Variants in CCDC62 observed in about 807,000 individuals in gnomAD.
CCDC62 encodes coiled-coil domain containing 62, also known as coiled-coil domain-containing protein 62.
Under a neutral mutation model 80.8 loss-of-function variants are expected in CCDC62, and 72 were observed. The ratio of observed to expected loss-of-function variants is 0.89; its 90% confidence interval spans 0.74 to 1.08. The LOEUF (loss-of-function observed/expected upper bound fraction) is 1.08. Among genes scored for constraint, CCDC62 ranks in the 50% least tolerant of loss-of-function variants. CCDC62 has a pLI of 0.00. For synonymous variants in CCDC62, 286 were observed against 296.5 expected (o/e 0.96, Z 0.36); for missense variants, 704 against 809.4 (o/e 0.87, Z 1.58).
chr12:122,818,227 C>T (rs4759390), intron 11 of CCDC62, among the ~76,000 whole-genome samples: 121,253 of 151,852 alleles, frequency 0.8, 49,449 homozygotes, highest in Middle Eastern at 0.9. Flanking sequence ...CCGAGGCAGG[C>T]GGATCATGAG....
At chr12:122,811,569 C>G (rs2031887266) in intron 10 of CCDC62, among the ~76,000 whole-genome samples, 1 of 150,392 alleles carries the variant, frequency 6.6e-6, no homozygotes, top group Non-Finnish European at 1.5e-5. Flanking sequence ...CCTGTACTCG[C>G]AGCACTTTTG....
intron 3 of CCDC62, among the ~76,000 whole-genome samples, chr12:122,784,082 C>T (rs780724456): frequency 1.1e-4 from 17 of 152,196 alleles, no homozygotes; most frequent in Non-Finnish European, 2.2e-4. Context: ...CCTGGTCACA[C>T]GAATCTTTTT....
Position 122,801,573 on chromosome 12 carries a change from C to G in CCDC62, c.1427C>G (p.Ser476Ter). Reference protein sequence around the residue: ...VYLGLTNCPSSKHPEKLDVEC... With the variant: ...VYLGLTNCPS ...CTGGGCCTGACCAACTGTCCAAGTTCAAAACATCCAGAAAAGCTGGATGTA... is the reference window on the plus strand; with the variant it reads ...CTGGGCCTGACCAACTGTCCAAGTTGAAAACATCCAGAAAAGCTGGATGTA... The change falls in exon 9 of 13, where the codon TCA (serine) becomes TGA (stop). Residue 476 changes from serine (S) to a stop codon, truncating the protein, a stop_gained. Coordinates refer to ENST00000253079, the MANE Select transcript of CCDC62 (RefSeq NM_201435.5). LOFTEE classifies it high-confidence loss of function. 6.2e-7 allele frequency: 1 copy of G among 1,614,082 alleles called. No individual in the cohort carries two copies.
chr12:122,800,646 C>T (rs1272288770), intron 8 of CCDC62, among the ~76,000 whole-genome samples: 2 of 152,018 alleles, frequency 1.3e-5, no homozygotes, highest in Non-Finnish European at 2.9e-5. Flanking sequence ...GGCTGGGTCT[C>T]GAACTCCTGA....
At chr12:122,821,251 G>A (rs549195356) in intron 11 of CCDC62, among the ~76,000 whole-genome samples, 33 of 152,144 alleles carry the variant, frequency 2.2e-4, no homozygotes, top group Non-Finnish European at 3.1e-4. Context: ...GACTGACAGC[G>A]AGCCAGTTAT....
chr12:122,800,208 GT>G (rs1283491607), intron 8 of CCDC62, among the ~76,000 whole-genome samples: 2 of 127,210 alleles, frequency 1.6e-5, no homozygotes, highest in Non-Finnish European at 3.2e-5. Flanking sequence ...GGGTTTCGTC[GT>G]GTTGCGAAGG....
chr12:122,816,920 C>T (rs2032190388), intron 11 of CCDC62, among the ~76,000 whole-genome samples: 1 of 152,138 alleles, frequency 6.6e-6, no homozygotes, highest in Non-Finnish European at 1.5e-5. Context: ...CCACAATCTA[C>T]TTTCTGTCTC....
chr12:122,805,509 CTTT>C (rs34211739), intron 9 of CCDC62, among the ~76,000 whole-genome samples: 1 of 49,506 alleles, frequency 2.0e-5, no homozygotes, highest in Non-Finnish European at 3.4e-5. Context: ...ACACCCAGCT[CTTT>C]TTTTTTTTTT....
chr12:122,798,268 C>T, intron 8 of CCDC62, 68 bp downstream of exon 8: 1 of 818,648 alleles, frequency 1.2e-6, no homozygotes, highest in Non-Finnish European at 2.1e-6. Flanking sequence ...TTACTGCGCA[C>T]TTACTGTTGG....
At position 122,777,273 on chromosome 12, in the gene CCDC62, A is replaced by G. The variant is rs183044955; in HGVS notation, c.37-218A>G. ...GTCCCACTTTTTAGGCATGGTACGT[A>G]TGGCATGACAGAAAATTGTAGAGAG... On this transcript the variant is annotated intron_variant, in intron 1 of 12. Coordinates refer to ENST00000253079, the MANE Select transcript of CCDC62 (RefSeq NM_201435.5). 15 of 485,940 alleles carry G rather than the reference A, an allele frequency of 3.1e-5. No individual in the cohort carries two copies. The Admixed American group carries it at 5.1e-4, about 17-fold the overall frequency. 30.1% of individuals were successfully genotyped at this position (485,940 alleles called of 1,614,324 possible). A position where few individuals can be genotyped will look rare whatever the true frequency, so the allele number is the denominator to read the frequency against.
At chr12:122,817,754 C>T (rs566891853) in intron 11 of CCDC62, among the ~76,000 whole-genome samples, 1 of 152,306 alleles carries the variant, frequency 6.6e-6, no homozygotes, top group African/African-American at 2.4e-5. Flanking sequence ...CAATCACTCC[C>T]TCATTTTTGT....
At chr12:122,822,574 A>AT (rs71085861) in intron 11 of CCDC62, among the ~76,000 whole-genome samples, 9,028 of 117,630 alleles carry the variant, frequency 0.077, 1,379 homozygotes, top group African/African-American at 0.24. Context: ...TGAGTTCCAC[A>AT]TTTTTTTTTT....
chr12:122,780,692 C>T (rs1179714243), intron 2 of CCDC62, among the ~76,000 whole-genome samples: 3 of 151,420 alleles, frequency 2.0e-5, no homozygotes, highest in Admixed American at 6.6e-5. Context: ...TAAGCTTTGG[C>T]GTAATCATTC....
At chr12:122,793,885 G>C (rs1204909425) in intron 6 of CCDC62, among the ~76,000 whole-genome samples, 1 of 152,182 alleles carries the variant, frequency 6.6e-6, no homozygotes, top group African/African-American at 2.4e-5. Flanking sequence ...TCTGCAAGTA[G>C]TGATAACCCG....
chr12:122,780,440 C>T (rs1454939857), intron 2 of CCDC62, among the ~76,000 whole-genome samples: 1 of 151,394 alleles, frequency 6.6e-6, no homozygotes. Context: ...GGTGAAACCC[C>T]GTCTCTACTA....
At chr12:122,804,659 A>G (rs934264329) in intron 9 of CCDC62, among the ~76,000 whole-genome samples, 1 of 152,116 alleles carries the variant, frequency 6.6e-6, no homozygotes, top group African/African-American at 2.4e-5. Flanking sequence ...CCATTAACAA[A>G]AATCAATCTC....
chr12:122,797,443 C>A, intron 7 of CCDC62, 48 bp downstream of exon 7: 1 of 1,033,110 alleles, frequency 9.7e-7, no homozygotes, highest in South Asian at 1.3e-5. Flanking sequence ...TGTTTGTAAA[C>A]AAATAGCAAA....
chr12:122,785,864 A>G, intron 4 of CCDC62, 44 bp downstream of exon 4: 1 of 1,242,288 alleles, frequency 8.0e-7, no homozygotes. Context: ...AGTGCTTGGT[A>G]GTTATATCCA....
At chr12:122,810,777 C>T (rs1448979228) in intron 10 of CCDC62, among the ~76,000 whole-genome samples, 1 of 152,086 alleles carries the variant, frequency 6.6e-6, no homozygotes, top group Admixed American at 6.6e-5. Context: ...ACCCAAATGT[C>T]CAAAAATGAT....
Sources: gnomAD v4.1 joint callset for allele counts (sites outside exome capture counted in the v4.1 genomes callset) on GRCh38, gnomAD v4.1.1 for gene constraint, MANE v1.5 for transcripts, NCBI Gene and HGNC (gene_info 2026-07-23, HGNC 2026-07-21) for gene names.